CAMTA1: variants seen among roughly 807,000 people sequenced by gnomAD.
CAMTA1 encodes the protein calmodulin binding transcription activator 1, also known as calmodulin-binding transcription activator 1.
A neutral mutation model predicts 170.9 loss-of-function variants in CAMTA1; 27 were observed. The observed-to-expected ratio is 0.16, with a 90% CI of 0.12 to 0.22. The LOEUF is 0.22. Among genes scored for constraint, CAMTA1 ranks in the 10% least tolerant of loss-of-function variants. The pLI is 1.00. For missense variants in CAMTA1, 1,619 were observed against 2,217.2 expected (o/e 0.73, Z 5.42); for synonymous variants, 833 against 891.5 (o/e 0.93, Z 1.17).
In CAMTA1 at chr1:7,146,757, C is replaced by T. The variant is rs1646212099; in HGVS notation, c.302+55386C>T. On this transcript the variant is annotated intron_variant, in intron 4 of 22. Transcript: ENST00000303635. This position sits in a 1 kb window ranked among gnomAD's most constrained non-coding sequence, Gnocchi z 4.3. ...AACACACACTCAAACATAAACCATG[C>T]ACACACACACACTTGAGCATCATGC... 6.6e-6 allele frequency among the ~76,000 whole-genome samples: 1 copy of T among 151,820 alleles called. No homozygotes were observed. Among genetic ancestry groups the T allele is most frequent in the Non-Finnish European group, 1.5e-5 (1 of 67,916 alleles).
At chr1:7,707,385 G>A (rs2096534916) in intron 11 of CAMTA1, among the ~76,000 whole-genome samples, 1 of 151,786 alleles carries the variant, frequency 6.6e-6, no homozygotes, top group South Asian at 2.1e-4. Context: ...AAAGGTGTGA[G>A]GCTCTTTTTG....
At chr1:7,652,496 C>T (rs2095854350) in intron 7 of CAMTA1, among the ~76,000 whole-genome samples, 1 of 152,190 alleles carries the variant, frequency 6.6e-6, no homozygotes, top group Non-Finnish European at 1.5e-5. Flanking sequence ...GACTCGGGAG[C>T]TTCTGCCCAC....
At chr1:6,789,804 CTTTTT>C (rs34542033) in intron 1 of CAMTA1, among the ~76,000 whole-genome samples, 4 of 85,670 alleles carry the variant, frequency 4.7e-5, no homozygotes, top group East Asian at 8.4e-4. Context: ...TTTAGTGTAT[CTTTTT>C]TTTTTTTTTT....
chr1:7,755,557 G>A, intron 21 of CAMTA1, 81 bp from the exon 22 acceptor site: 3 of 1,069,856 alleles, frequency 2.8e-6, no homozygotes, highest in Non-Finnish European at 4.3e-6. Context: ...ATTCTTTTTT[G>A]TTGAAATAAA....
At chr1:7,130,712 C>G (rs899016164) in intron 4 of CAMTA1, among the ~76,000 whole-genome samples, 2 of 152,058 alleles carry the variant, frequency 1.3e-5, no homozygotes, top group African/African-American at 4.8e-5. Flanking sequence ...GCTGACAGTC[C>G]TATAAACACA....
Position 7,253,512 on chromosome 1 carries a change from C to T in CAMTA1, c.438+3886C>T, listed in dbSNP as rs559879583. Among the ~76,000 whole-genome samples the T allele has an allele frequency of 4.6e-5, 7 of 152,282 alleles. No homozygotes were observed. The South Asian group carries it at 1.2e-3, about 27-fold the overall frequency. On this transcript the variant is annotated intron_variant, in intron 5 of 22. Coordinates refer to ENST00000303635, the MANE Select transcript of CAMTA1 (RefSeq NM_015215.4). ...CTCCAGTTTCTTTGCTGCTGGGTTC[C>T]CACAACAGATGGGAGCCACACAATT...
chr1:7,562,636 G>A lies in CAMTA1; in HGVS notation c.511-77764G>A, dbSNP rs116080917. Among the ~76,000 whole-genome samples the A allele has an allele frequency of 1.1e-3, 168 of 152,294 alleles. No individual in the cohort carries two copies. Among genetic ancestry groups the A allele is most frequent in the African/African-American group, 3.8e-3 (159 of 41,562 alleles). On this transcript the variant is annotated intron_variant, in intron 6 of 22. Transcript: ENST00000303635. The surrounding 1 kb of genome is among the most constrained non-coding windows in gnomAD (Gnocchi z 4.8). The stretch of plus-strand genomic sequence containing the variant: ...TTTTTCGGAGATGTCACCCACAACC[G>A]TCCGAAGAGATACCCAAATTGTACG...
At chr1:7,602,146 C>CCTTCCTT (rs1557986750) in intron 6 of CAMTA1, among the ~76,000 whole-genome samples, 2 of 90,792 alleles carry the variant, frequency 2.2e-5, no homozygotes, top group African/African-American at 8.4e-5. Flanking sequence ...CTTCCTTCCT[C>CCTTCCTT]CCTCCCTCCC....
At chr1:6,925,865 C>T (rs1283726919) in intron 3 of CAMTA1, among the ~76,000 whole-genome samples, 1 of 152,204 alleles carries the variant, frequency 6.6e-6, no homozygotes, top group Non-Finnish European at 1.5e-5. Context: ...GATCCATCAC[C>T]AGGAGGCAGG....
chr1:6,845,415 A>G (rs965470888), intron 3 of CAMTA1, among the ~76,000 whole-genome samples: 2 of 152,230 alleles, frequency 1.3e-5, no homozygotes, highest in East Asian at 1.9e-4. Flanking sequence ...AATCTTGTCC[A>G]GATTCAGGGA....
intron 16 of CAMTA1, among the ~76,000 whole-genome samples, chr1:7,744,128 C>CT (rs60348958): frequency 2.0e-3 from 167 of 84,234 alleles, no homozygotes; most frequent in East Asian, 4.1e-3. Flanking sequence ...CGCCTGGCCT[C>CT]TTTTTTTTTT....
intron 3 of CAMTA1, among the ~76,000 whole-genome samples, chr1:7,069,764 C>A (rs1558052763): frequency 6.6e-6 from 1 of 152,158 alleles, no homozygotes; most frequent in Admixed American, 6.5e-5. Context: ...CTAACTGGAT[C>A]CATTTGCCAA....
intron 3 of CAMTA1, among the ~76,000 whole-genome samples, chr1:6,948,412 G>C (rs994202853): frequency 3.9e-5 from 6 of 152,332 alleles, no homozygotes; most frequent in African/African-American, 1.4e-4. Flanking sequence ...GTAGGTAAGA[G>C]CAAGATAGAA....
Position 7,674,801 on chromosome 1 carries a change from A to C in CAMTA1, c.2780-2798A>C, listed in dbSNP as rs1321321198. On this transcript the variant is annotated intron_variant, in intron 10 of 22. Coordinates refer to ENST00000303635, the MANE Select transcript of CAMTA1 (RefSeq NM_015215.4). The surrounding 1 kb of genome is among the most constrained non-coding windows in gnomAD (Gnocchi z 4.1). The stretch of plus-strand genomic sequence containing the variant: ...AAAAACAAAAAGCAAACAAACAAAC[A>C]AAAACAACAAATGAGGTGTAGAATT... Among the ~76,000 whole-genome samples the C allele has an allele frequency of 6.6e-6, 1 of 152,074 alleles. No individual in the cohort carries two copies. Among genetic ancestry groups the C allele is most frequent in the East Asian group, 1.9e-4 (1 of 5,182 alleles).
rs1659734959 is a variant in CAMTA1, at chr1:7,216,267, C to T, written c.303-33224C>T. ...TCCCCCATGATTCAGTCACCTCCCC[C>T]AGGCTCTTCCTCCAACACTGGGGAT... On this transcript the variant is annotated intron_variant, in intron 4 of 22. Transcript: ENST00000303635. This position sits in a 1 kb window ranked among gnomAD's most constrained non-coding sequence, Gnocchi z 4.0. 6.6e-6 allele frequency among the ~76,000 whole-genome samples: 1 copy of T among 152,222 alleles called. No homozygotes were observed. Among genetic ancestry groups the T allele is most frequent in the Non-Finnish European group, 1.5e-5 (1 of 68,042 alleles).
chr1:6,823,814 A>G (rs988008268), intron 2 of CAMTA1, among the ~76,000 whole-genome samples: 1 of 152,160 alleles, frequency 6.6e-6, no homozygotes, highest in Non-Finnish European at 1.5e-5. Context: ...ATATTGTTGT[A>G]TTTCACTTTT....
At chr1:7,693,099 T>C (rs2096336892) in intron 11 of CAMTA1, 1 of 152,292 alleles carries the variant, frequency 6.6e-6, no homozygotes, top group Non-Finnish European at 1.5e-5. Context: ...ACACCGCTGA[T>C]AAAGACATAG....
chr1:7,653,411 C>CA (rs1318282199), intron 7 of CAMTA1, among the ~76,000 whole-genome samples: 1 of 152,086 alleles, frequency 6.6e-6, no homozygotes, highest in Non-Finnish European at 1.5e-5. Context: ...TACAGGTGCC[C>CA]ACCACCACAC....
In CAMTA1 at chr1:7,664,097, C is replaced by A. The variant is rs1248944384; in HGVS notation, c.1550C>A (p.Pro517His). 1.9e-6 allele frequency: 3 copies of A among 1,613,564 alleles called. No homozygotes were observed. The highest frequency in any genetic ancestry group is 1.3e-5 in the African/African-American group (1 of 75,068). The change falls in exon 9 of 23, where the codon CCC becomes CAC. Residue 517 changes from proline to histidine, a missense_variant. Coordinates refer to ENST00000303635, the MANE Select transcript of CAMTA1 (RefSeq NM_015215.4). ...AGCTCCAACATCCGGCACTCGCCAC[C>A]CGGGGAGCGGAGCTTCAGCTTTACC... ...MVSSNIRHSP[P>H]GERSFSFTTV...
Sources: allele counts gnomAD v4.1 joint callset (sites outside exome capture counted in the v4.1 genomes callset), GRCh38; gene constraint gnomAD v4.1.1; non-coding constraint Gnocchi (gnomAD v3.1); transcripts MANE v1.5; gene names NCBI Gene and HGNC (gene_info 2026-07-23, HGNC 2026-07-21).